SERPINI1: variants seen among roughly 807,000 people sequenced by gnomAD.
SERPINI1 encodes the protein serpin family I member 1.
Under a neutral mutation model 41.1 loss-of-function variants are expected in SERPINI1, and 19 were observed. That is an observed-to-expected ratio of 0.46 (90% CI 0.32 to 0.68). The LOEUF (loss-of-function observed/expected upper bound fraction) is 0.68, where lower values mean the gene tolerates loss of function less well. Among genes scored for constraint, SERPINI1 ranks in the 30% least tolerant of loss-of-function variants. The pLI is 0.03. For synonymous variants in SERPINI1, 138 were observed against 156.6 expected, an observed-to-expected ratio of 0.88 and a Z score of 0.89; for missense variants, 460 against 479.2, an observed-to-expected ratio of 0.96 and a Z score of 0.37.
At chr3:167,824,029 C>T (rs1339890583) in intron 7 of SERPINI1, among the ~76,000 whole-genome samples, 2 of 152,152 alleles carry the variant, frequency 1.3e-5, no homozygotes, top group African/African-American at 4.8e-5. Context: ...TGTAAAAATA[C>T]CCGCTTCAGA....
chr3:167,745,229 C>A (rs1396726031), intron 1 of SERPINI1, among the ~76,000 whole-genome samples: 1 of 151,678 alleles, frequency 6.6e-6, no homozygotes, highest in Non-Finnish European at 1.5e-5. Context: ...ATACCATGAT[C>A]CAGTAAGTTT....
chr3:167,755,759 A>G (rs923989554), intron 1 of SERPINI1, among the ~76,000 whole-genome samples: 20 of 146,404 alleles, frequency 1.4e-4, no homozygotes, highest in African/African-American at 4.8e-4. Flanking sequence ...CCTAAAGCCT[A>G]TATTATTAGC....
At chr3:167,755,979 C>T (rs1726181161) in intron 1 of SERPINI1, among the ~76,000 whole-genome samples, 1 of 151,992 alleles carries the variant, frequency 6.6e-6, no homozygotes, top group Non-Finnish European at 1.5e-5. Flanking sequence ...ATTCAGCACA[C>T]ATTAAATGAC....
chr3:167,794,857 A>G (rs200051461), intron 5 of SERPINI1, 33 bp downstream of exon 5: 1 of 1,541,074 alleles, frequency 6.5e-7, no homozygotes, highest in Admixed American at 1.7e-5. Context: ...GTCCCACAGC[A>G]TGGACGATGG....
intron 1 of SERPINI1, among the ~76,000 whole-genome samples, chr3:167,755,745 T>C (rs1726172625): frequency 6.6e-6 from 1 of 151,982 alleles, no homozygotes; most frequent in African/African-American, 2.4e-5. Context: ...TTTAGCTTTG[T>C]AAACCTAAAG....
At chr3:167,821,209 C>G (rs1377252776) in intron 6 of SERPINI1, among the ~76,000 whole-genome samples, 1 of 152,180 alleles carries the variant, frequency 6.6e-6, no homozygotes, top group Non-Finnish European at 1.5e-5. Flanking sequence ...ACTGAAAGAG[C>G]TGTAACACAA....
intron 1 of SERPINI1, among the ~76,000 whole-genome samples, chr3:167,745,295 A>G (rs1236441104): frequency 6.6e-6 from 1 of 152,050 alleles, no homozygotes; most frequent in Non-Finnish European, 1.5e-5. Context: ...TACATACTAT[A>G]TCAATGAAAT....
intron 1 of SERPINI1, among the ~76,000 whole-genome samples, chr3:167,740,055 C>T (rs1402837287): frequency 6.9e-5 from 10 of 144,508 alleles, no homozygotes; most frequent in African/African-American, 2.1e-4. Context: ...TTTTCTGAGA[C>T]AGGGTCTGAC....
intron 1 of SERPINI1, among the ~76,000 whole-genome samples, chr3:167,760,750 C>A (rs1006297772): frequency 2.6e-5 from 4 of 152,066 alleles, no homozygotes; most frequent in African/African-American, 9.7e-5. Context: ...TGGTTTCAAA[C>A]GTGTTCAGAT....
intron 5 of SERPINI1, among the ~76,000 whole-genome samples, chr3:167,799,638 A>T (rs1051523003): frequency 2.6e-5 from 4 of 152,172 alleles, no homozygotes; most frequent in African/African-American, 9.7e-5. Context: ...ACAATGGTTG[A>T]ACTAATTTAC....
chr3:167,800,260 A>G (rs1041523949), intron 5 of SERPINI1: 3 of 146,356 alleles, frequency 2.0e-5, no homozygotes, highest in Admixed American at 6.8e-5. Context: ...TGTTTCATAT[A>G]TAAAATATTT....
chr3:167,746,789 T>C (rs1725874380), intron 1 of SERPINI1, among the ~76,000 whole-genome samples: 1 of 152,206 alleles, frequency 6.6e-6, no homozygotes, highest in African/African-American at 2.4e-5. Context: ...TGTGGGAATA[T>C]TTGAACCCTC....
chr3:167,749,683 C>G (rs1237244887), intron 1 of SERPINI1, among the ~76,000 whole-genome samples: 1 of 152,196 alleles, frequency 6.6e-6, no homozygotes, highest in Non-Finnish European at 1.5e-5. Flanking sequence ...AGCTTACAAA[C>G]CCAGCCAAAT....
At chr3:167,765,511 C>A (rs1726533354) in intron 1 of SERPINI1, among the ~76,000 whole-genome samples, 2 of 152,198 alleles carry the variant, frequency 1.3e-5, no homozygotes, top group African/African-American at 2.4e-5. Context: ...CCCATGAAAC[C>A]ACTTTTTCCT....
At chr3:167,757,140 C>T (rs1726217815) in intron 1 of SERPINI1, among the ~76,000 whole-genome samples, 1 of 152,128 alleles carries the variant, frequency 6.6e-6, no homozygotes, top group African/African-American at 2.4e-5. Flanking sequence ...GACTTTAGTG[C>T]TGGAAGGAAT....
intron 1 of SERPINI1, among the ~76,000 whole-genome samples, chr3:167,754,059 A>G (rs1726124972): frequency 6.6e-6 from 1 of 152,198 alleles, no homozygotes; most frequent in Non-Finnish European, 1.5e-5. Context: ...TTTCAAGGGA[A>G]ATATTTATAC....
chr3:167,747,947 T>A (rs1394596125), intron 1 of SERPINI1, among the ~76,000 whole-genome samples: 1 of 151,472 alleles, frequency 6.6e-6, no homozygotes, highest in Non-Finnish European at 1.5e-5. Flanking sequence ...GTTTTTTTTT[T>A]AATTTCAAAA....
chr3:167,767,838 T>A (rs773188479), intron 1 of SERPINI1, among the ~76,000 whole-genome samples: 1 of 152,158 alleles, frequency 6.6e-6, no homozygotes, highest in Non-Finnish European at 1.5e-5. Context: ...ATAACTGAAT[T>A]TCTGCAATCT....
In SERPINI1 at chr3:167,821,249, G is replaced by A. The variant is rs535422643; in HGVS notation, c.980-1737G>A. Among the ~76,000 whole-genome samples, 10 of 152,262 alleles carry A rather than the reference G, an allele frequency of 6.6e-5. 1 individual carries two copies. Among genetic ancestry groups the A allele is most frequent in the African/African-American group, 2.2e-4 (9 of 41,558 alleles). On this transcript the variant is annotated intron_variant, in intron 6 of 8. Transcript: ENST00000446050. Reference sequence around the variant, plus strand: ...GGCTGAAACATGCCCCTTGCTCGCCGTGTTGTAGGCAGCAAGAAGGAGAGA... The same window carrying A: ...GGCTGAAACATGCCCCTTGCTCGCCATGTTGTAGGCAGCAAGAAGGAGAGA...
Sources: gnomAD v4.1 joint callset for allele counts (sites outside exome capture counted in the v4.1 genomes callset) on GRCh38, gnomAD v4.1.1 for gene constraint, MANE v1.5 for transcripts, NCBI Gene and HGNC (gene_info 2026-07-23, HGNC 2026-07-21) for gene names.